GRID2IP: variants seen among roughly 807,000 people sequenced by gnomAD.
The protein encoded by GRID2IP is Grid2 interacting protein, also known as delphilin.
A neutral mutation model predicts 114.3 loss-of-function variants in GRID2IP; 78 were observed. That is an observed-to-expected ratio of 0.68 (90% CI 0.57 to 0.82). The LOEUF is 0.82. Among genes scored for constraint, GRID2IP ranks in the 40% least tolerant of loss-of-function variants. The pLI is 0.00. For synonymous variants in GRID2IP, 809 were observed against 724.0 expected, an observed-to-expected ratio of 1.12 and a Z score of -1.89; for missense variants, 1,727 against 1,678.5, an observed-to-expected ratio of 1.03 and a Z score of -0.51.
intron 8 of GRID2IP, 139 bp from the exon 9 acceptor site, chr7:6,511,178 A>T: frequency 2.6e-6 from 3 of 1,170,178 alleles, no homozygotes; most frequent in Non-Finnish European, 3.3e-6. Flanking sequence ...GCTTGCCTCC[A>T]GAACAGCTCT....
rs58086125 is a variant in GRID2IP at position 6,523,922 on chromosome 7, G to A, written c.920-1965C>T. On this transcript the variant is annotated intron_variant, in intron 4 of 21. Transcript: ENST00000457091. This position sits in a 1 kb window ranked among gnomAD's most constrained non-coding sequence, Gnocchi z 4.5. ...TGGTGGTGGTGGCATGGTTGGAACA[G>A]CCACATCCACAGAGGAGAGATTAAT... Among the ~76,000 whole-genome samples, 6,227 of 152,296 alleles carry A rather than the reference G, an allele frequency of 0.041. 144 individuals carry two copies. The highest frequency in any genetic ancestry group is 0.053 in the African/African-American group (2,187 of 41,554).
chr7:6,547,835 G>A (rs566779179), intron 1 of GRID2IP, among the ~76,000 whole-genome samples: 1 of 152,264 alleles, frequency 6.6e-6, no homozygotes, highest in African/African-American at 2.4e-5. Flanking sequence ...GGGCACTGAA[G>A]GAGGCCAGAG....
rs1483419937 is a variant in GRID2IP, at chr7:6,510,986, G to A, written c.1477C>T (p.Pro493Ser). Reference sequence around the variant, plus strand: ...GAGGAAGCCCGCAGGGAGCTCCGCGGCTGGGGCTCAGGCGTGGGCTCGGAC... The same window carrying A: ...GAGGAAGCCCGCAGGGAGCTCCGCGACTGGGGCTCAGGCGTGGGCTCGGAC... ...LESEPTPEPQ[P>S]RSSLRASSMC... Residue 493 changes from proline to serine, a missense_variant, in exon 9 of 22, where the codon CCG becomes TCG. By Grantham distance (74) the Pro-to-Ser change is moderately conservative. Coordinates refer to ENST00000457091, the MANE Select transcript of GRID2IP (RefSeq NM_001145118.2). 6.5e-7 allele frequency: 1 copy of A among 1,541,746 alleles called. No homozygotes were observed. The highest frequency in any genetic ancestry group is 1.7e-4 in the Middle Eastern group (1 of 5,942).
chr7:6,516,804 G>A lies in GRID2IP; in HGVS notation c.1269-2275C>T, dbSNP rs934419440. ...TAAAATGCATAGAAGAAATAATTAC[G>A]TAAGCTGTCCCCTCTTTCTCTCCGC... On this transcript the variant is annotated intron_variant, in intron 7 of 21. Coordinates refer to ENST00000457091, the MANE Select transcript of GRID2IP (RefSeq NM_001145118.2). This position sits in a 1 kb window ranked among gnomAD's most constrained non-coding sequence, Gnocchi z 4.3. Among the ~76,000 whole-genome samples the A allele has an allele frequency of 5.3e-5, 8 of 152,116 alleles. No homozygotes were observed. The highest frequency in any genetic ancestry group is 1.9e-4 in the East Asian group (1 of 5,194).
In GRID2IP at chr7:6,530,044, C is replaced by T. The variant is rs187040989; in HGVS notation, c.585-3275G>A. 5.3e-5 allele frequency among the ~76,000 whole-genome samples: 8 copies of T among 151,988 alleles called. No homozygotes were observed. The South Asian group carries it at 8.3e-4, about 16-fold the overall frequency. Reference sequence around the variant, plus strand: ...TGCGATCTCCGCTCACTGCAAGCTCCGCCTCCAGGATTCATGCCATTCTCC... The same window carrying T: ...TGCGATCTCCGCTCACTGCAAGCTCTGCCTCCAGGATTCATGCCATTCTCC... On this transcript the variant is annotated intron_variant, in intron 2 of 21. Coordinates refer to ENST00000457091, the MANE Select transcript of GRID2IP (RefSeq NM_001145118.2).
chr7:6,500,146 C>T (rs1399822101), intron 20 of GRID2IP, among the ~76,000 whole-genome samples: 1 of 152,072 alleles, frequency 6.6e-6, no homozygotes, highest in African/African-American at 2.4e-5. Context: ...CTTACCTAAA[C>T]AGCCTCAGTT....
intron 4 of GRID2IP, among the ~76,000 whole-genome samples, chr7:6,524,394 C>G (rs1406787297): frequency 3.9e-5 from 6 of 152,170 alleles, no homozygotes; most frequent in African/African-American, 1.4e-4. Flanking sequence ...GAGCAGGTGA[C>G]CCAGTTCTGA....
At chr7:6,500,999 G>A (rs1786398606) in intron 20 of GRID2IP, among the ~76,000 whole-genome samples, 2 of 152,164 alleles carry the variant, frequency 1.3e-5, no homozygotes, top group Admixed American at 1.3e-4. Context: ...TGGCTTTGGG[G>A]CACTCAAAAG....
chr7:6,501,001 A>AGAG (rs1786398667), intron 20 of GRID2IP, among the ~76,000 whole-genome samples: 2 of 152,108 alleles, frequency 1.3e-5, no homozygotes, highest in Admixed American at 1.3e-4. Flanking sequence ...GCTTTGGGGC[A>AGAG]CTCAAAAGAG....
intron 7 of GRID2IP, among the ~76,000 whole-genome samples, chr7:6,517,903 AAAATAAAT>A (rs201670978): frequency 3.3e-5 from 5 of 149,682 alleles, no homozygotes; most frequent in Non-Finnish European, 5.9e-5. Context: ...ACTCTGCTTC[AAAATAAAT>A]AAATAAATAA....
In GRID2IP at chr7:6,505,520, A is replaced by G. The variant is rs1786551843; in HGVS notation, c.2632+300T>C. ...GTAGCTGGGACCACAGACATCCTCCATGTGCCTGGCTAATTTTTTGTATTT... is the reference window on the plus strand; with the variant it reads ...GTAGCTGGGACCACAGACATCCTCCGTGTGCCTGGCTAATTTTTTGTATTT... On this transcript the variant is annotated intron_variant, in intron 14 of 21. Transcript: ENST00000457091. Among the ~76,000 whole-genome samples the G allele has an allele frequency of 2.0e-5, 3 of 152,140 alleles. No individual in the cohort carries two copies. In the South Asian group the frequency reaches 6.2e-4, roughly 32 times the overall value.
At position 6,503,157 on chromosome 7, in the gene GRID2IP, A is replaced by T. The variant is rs1786465795; in HGVS notation, c.2914T>A (p.Ser972Thr). The T allele has an allele frequency of 6.6e-7, 1 of 1,521,152 alleles. No individual in the cohort carries two copies. Among genetic ancestry groups the T allele is most frequent in the South Asian group, 1.2e-5 (1 of 81,196 alleles). The allele number at this position is 1,521,152 out of a possible 1,614,324, so 94.2% of individuals were successfully genotyped here. ...AGGCGTGTCTTGTATTCGGGAACTG[A>T]CAGCATCTGCCTCGAAGGCAGAGCC... ...EPDQFVLQML[S>T]VPEYKTRLRS... is the part of the protein sequence containing the mutation. Residue 972 changes from serine to threonine, a missense_variant, in exon 17 of 22, where the codon TCA (serine) becomes ACA (threonine). Transcript: ENST00000457091.
intron 1 of GRID2IP, among the ~76,000 whole-genome samples, chr7:6,542,025 G>A (rs921087026): frequency 3.3e-5 from 5 of 152,114 alleles, no homozygotes; most frequent in African/African-American, 1.2e-4. Flanking sequence ...ATCTCAGCCA[G>A]GCGCGGTGGC....
chr7:6,535,103 T>C (rs1210966752), intron 2 of GRID2IP, among the ~76,000 whole-genome samples: 1 of 152,234 alleles, frequency 6.6e-6, no homozygotes, highest in Non-Finnish European at 1.5e-5. Context: ...CAGGCTGGTC[T>C]CAAACTCCGG....
intron 7 of GRID2IP, among the ~76,000 whole-genome samples, chr7:6,518,882 T>TA (rs1779360553): frequency 6.6e-6 from 1 of 151,984 alleles, no homozygotes; most frequent in Non-Finnish European, 1.5e-5. Context: ...GTGAATAAGT[T>TA]AGACACAAAA....
chr7:6,508,128 G>C lies in GRID2IP; in HGVS notation c.2401C>G (p.Pro801Ala). 1 of 1,507,280 alleles carries C rather than the reference G, an allele frequency of 6.6e-7. No homozygotes were observed. The highest frequency in any genetic ancestry group is 8.9e-7 in the Non-Finnish European group (1 of 1,126,760). 93.4% of individuals were successfully genotyped at this position (1,507,280 alleles called of 1,614,324 possible). ...CAGGGCACGGGTGGGGGCAGGGGCG[G>C]TGGGGGTGGTGGAGGGACTGGGTGG... ...LSHPVPPPPPPPLPPPVPCAP... is the reference protein window; with the variant it reads ...LSHPVPPPPPAPLPPPVPCAP... Residue 801 changes from proline (P) to alanine (A), a missense_variant, in exon 13 of 22, where the codon CCG (proline) becomes GCG (alanine). By Grantham distance (27) the Pro-to-Ala change is conservative. Transcript: ENST00000457091. The surrounding 1 kb of genome is among the most constrained non-coding windows in gnomAD (Gnocchi z 5.6).
At chr7:6,548,521 C>A (rs908542116) in intron 1 of GRID2IP, among the ~76,000 whole-genome samples, 4 of 151,846 alleles carry the variant, frequency 2.6e-5, no homozygotes, top group Admixed American at 2.6e-4. Flanking sequence ...TAGGTACCCA[C>A]AAAAATTAAA....
intron 1 of GRID2IP, among the ~76,000 whole-genome samples, chr7:6,549,379 G>A (rs1469281600): frequency 1.3e-5 from 2 of 152,332 alleles, no homozygotes; most frequent in East Asian, 3.9e-4. Context: ...CTTGTGGCTA[G>A]AGGTCTGATC....
chr7:6,504,894 C>A (rs1482051000), intron 14 of GRID2IP, 24 bp from the exon 15 acceptor site: 1 of 1,548,460 alleles, frequency 6.5e-7, no homozygotes, highest in Non-Finnish European at 8.7e-7. Flanking sequence ...TGACAGTTTA[C>A]GGAGGCGGCT....
Sources: allele counts gnomAD v4.1 joint callset (sites outside exome capture counted in the v4.1 genomes callset), GRCh38; gene constraint gnomAD v4.1.1; non-coding constraint Gnocchi (gnomAD v3.1); transcripts MANE v1.5; gene names NCBI Gene and HGNC (gene_info 2026-07-23, HGNC 2026-07-21).